Variants in HVCN1 observed in about 807,000 individuals in gnomAD.
HVCN1 encodes the protein voltage-gated hydrogen channel 1.
HVCN1 carries 14 observed loss-of-function variants against 29.2 expected under a neutral mutation model. The observed-to-expected ratio is 0.48, with a 90% CI of 0.32 to 0.75. The LOEUF (loss-of-function observed/expected upper bound fraction) is 0.75, where lower values mean the gene tolerates loss of function less well. Among genes scored for constraint, HVCN1 ranks in the 30% least tolerant of loss-of-function variants. The pLI is 0.04. For synonymous variants in HVCN1, 131 were observed against 133.2 expected (o/e 0.98, Z 0.11); for missense variants, 263 against 341.8 (o/e 0.77, Z 1.82).
intron 3 of HVCN1, among the ~76,000 whole-genome samples, chr12:110,663,017 C>T (rs766081465): frequency 2.8e-4 from 43 of 152,232 alleles, no homozygotes; most frequent in African/African-American, 3.9e-4. Context: ...CTCAGAAAAA[C>T]GCAGAGTGAA....
At chr12:110,691,295 C>A (rs888576077), upstream of HVCN1, among the ~76,000 whole-genome samples, 1 of 147,638 alleles carries the variant, frequency 6.8e-6, no homozygotes, top group Non-Finnish European at 1.5e-5. Flanking sequence ...GATCTCCTGA[C>A]CTCGTGCTCC....
At chr12:110,681,483 C>T (rs139665629) in intron 3 of HVCN1, among the ~76,000 whole-genome samples, 146 of 152,222 alleles carry the variant, frequency 9.6e-4, no homozygotes, top group Non-Finnish European at 1.8e-3. Context: ...TAAGCATTTC[C>T]GAATGTTCTT....
intron 2 of HVCN1, among the ~76,000 whole-genome samples, chr12:110,697,731 A>G (rs1447444036): frequency 6.6e-6 from 1 of 150,442 alleles, no homozygotes; most frequent in Non-Finnish European, 1.5e-5. Flanking sequence ...GCTCACTGCA[A>G]CCTCCGTCTC....
rs2068162724 is a variant in HVCN1, at chr12:110,661,330, T to C, written c.140A>G (p.Asn47Ser). 1.2e-6 allele frequency: 2 copies of C among 1,614,210 alleles called. No individual in the cohort carries two copies. The highest frequency in any genetic ancestry group is 1.7e-6 in the Non-Finnish European group (2 of 1,180,024). Residue 47 changes from asparagine (N) to serine (S), a missense_variant, in exon 4 of 8, where the codon AAT (asparagine) becomes AGT (serine). Physicochemically the swap from Asn to Ser is conservative, Grantham distance 46. This residue lies in a region of HVCN1 where 157 missense variants were observed against 181.3 expected (regional missense o/e 0.87). Coordinates refer to ENST00000242607, the MANE Select transcript of HVCN1 (RefSeq NM_032369.4). This position sits in a 1 kb window ranked among gnomAD's most constrained non-coding sequence, Gnocchi z 6.2. ...AWNINYKKWE[N>S]EEEEEEEEQP... ...CTCCTCCTCCTCCTCCTCCTCTTCA[T>C]TCTCCCATTTCTTGTAGTTGATGTT...
chr12:110,691,865 C>T (rs939585284), upstream of HVCN1, among the ~76,000 whole-genome samples: 2 of 151,150 alleles, frequency 1.3e-5, no homozygotes, highest in African/African-American at 4.9e-5. Flanking sequence ...AGTCTGCAGC[C>T]CCCAACCTTA....
At chr12:110,693,154 A>T (rs540960316), upstream of HVCN1, among the ~76,000 whole-genome samples, 83 of 151,436 alleles carry the variant, frequency 5.5e-4, no homozygotes, top group African/African-American at 1.7e-3. Context: ...TTTTTTTTTT[A>T]AATTGGGATA....
At chr12:110,677,112 G>A (rs2136396839) in intron 3 of HVCN1, among the ~76,000 whole-genome samples, 1 of 152,200 alleles carries the variant, frequency 6.6e-6, no homozygotes, top group South Asian at 2.1e-4. Context: ...GACTGAGAGA[G>A]GCGGATCGCT....
At chr12:110,662,802 C>T (rs992227781) in intron 3 of HVCN1, among the ~76,000 whole-genome samples, 5 of 152,202 alleles carry the variant, frequency 3.3e-5, no homozygotes, top group African/African-American at 9.7e-5. Context: ...CCCCCACACA[C>T]ACCCTACAAA....
At position 110,684,249 on chromosome 12, in the gene HVCN1, A is replaced by G. The variant is rs1028203530; in HGVS notation, c.-19-985T>C. ...TATATTATTAATTTTAATACAAAGA[A>G]AAACAGTGAAAATGTTCTGATAGAG... On this transcript the variant is annotated intron_variant, in intron 2 of 7. Coordinates refer to ENST00000242607, the MANE Select transcript of HVCN1 (RefSeq NM_032369.4). Among the ~76,000 whole-genome samples the G allele has an allele frequency of 2.6e-5, 4 of 152,190 alleles. 1 individual carries two copies. Among genetic ancestry groups the G allele is most frequent in the Non-Finnish European group, 5.9e-5 (4 of 68,040 alleles).
At chr12:110,685,410 T>C (rs918977081) in intron 2 of HVCN1, among the ~76,000 whole-genome samples, 1 of 152,192 alleles carries the variant, frequency 6.6e-6, no homozygotes, top group South Asian at 2.1e-4. Context: ...TTGTGGACTT[T>C]TGACTTCCAG....
upstream of HVCN1, chr12:110,689,144 C>T (rs1231981835): frequency 2.0e-5 from 3 of 151,210 alleles, no homozygotes; most frequent in Non-Finnish European, 4.4e-5. The surrounding 1 kb of genome is among the most constrained non-coding windows in gnomAD (Gnocchi z 5.7). Flanking sequence ...CCGGCCCAGC[C>T]CGTCCCGCCC....
In HVCN1 at chr12:110,651,400, T is replaced by C. The variant is rs2067809977; in HGVS notation, c.460A>G (p.Ile154Val). 2 of 1,613,660 alleles carry C rather than the reference T, an allele frequency of 1.2e-6. No individual in the cohort carries two copies. Among genetic ancestry groups the C allele is most frequent in the Non-Finnish European group, 1.7e-6 (2 of 1,179,834 alleles). ...CGGAAGACAAATAATTTAAAGATGA[T>C]CTCCATCATAAAAAAGACCAAGATG... ...ITILVFFMME[I>V]IFKLFVFRLE... is the part of the protein sequence containing the mutation. Residue 154 changes from isoleucine to valine, a missense_variant, in exon 6 of 8, where the codon ATC becomes GTC. Physicochemically the swap from Ile to Val is conservative, Grantham distance 29. Coordinates refer to ENST00000242607, the MANE Select transcript of HVCN1 (RefSeq NM_032369.4).
At position 110,649,342 on chromosome 12, in the gene HVCN1, G is replaced by T; in HGVS notation, c.*68C>A. Reference sequence around the variant, plus strand: ...CTCACCAAGCGGCCCAGGAGGGGCAGCTGTTCCTCTCGTGACAGCACAGGC... The same window carrying T: ...CTCACCAAGCGGCCCAGGAGGGGCATCTGTTCCTCTCGTGACAGCACAGGC... On this transcript the variant is annotated 3_prime_UTR_variant, in exon 8 of 8. Coordinates refer to ENST00000242607, the MANE Select transcript of HVCN1 (RefSeq NM_032369.4). 7.6e-7 allele frequency: 1 copy of T among 1,313,786 alleles called. No individual in the cohort carries two copies. Among genetic ancestry groups the T allele is most frequent in the Non-Finnish European group, 1.1e-6 (1 of 918,272 alleles). 81.4% of individuals were successfully genotyped at this position (1,313,786 alleles called of 1,614,324 possible). A position where few individuals can be genotyped will look rare whatever the true frequency, so the allele number is the denominator to read the frequency against.
In HVCN1 at chr12:110,651,465, A is replaced by C; in HGVS notation, c.412-17T>G. On this transcript the variant is annotated splice_polypyrimidine_tract_variant and intron_variant, in intron 5 of 7. Coordinates refer to ENST00000242607, the MANE Select transcript of HVCN1 (RefSeq NM_032369.4). The stretch of plus-strand genomic sequence containing the variant: ...GTGGAATACCTGAAGGGGACAAGGA[A>C]CCACAGTCAGGGGAGATTGGGCCTC... The C allele has an allele frequency of 6.4e-7, 1 of 1,564,880 alleles. No individual in the cohort carries two copies. The highest frequency in any genetic ancestry group is 8.8e-7 in the Non-Finnish European group (1 of 1,135,346).
At chr12:110,650,341 A>AG in intron 6 of HVCN1, 61 bp from the exon 7 acceptor site, 1 of 1,028,840 alleles carries the variant, frequency 9.7e-7, no homozygotes, top group Non-Finnish European at 1.5e-6. Flanking sequence ...CAGGAAAAAA[A>AG]TCTGTATTCT....
chr12:110,653,757 G>T (rs954880450), intron 5 of HVCN1, among the ~76,000 whole-genome samples: 1 of 152,034 alleles, frequency 6.6e-6, no homozygotes, highest in African/African-American at 2.4e-5. Flanking sequence ...CAGGAGAATC[G>T]CTTGAACTCA....
At chr12:110,681,178 TACTTTTTATC>T (rs746915403) in intron 3 of HVCN1, among the ~76,000 whole-genome samples, 25 of 152,360 alleles carry the variant, frequency 1.6e-4, no homozygotes, top group Middle Eastern at 3.4e-3. Context: ...CAGCCTGTGT[TACTTTTTATC>T]ACAGTAAATG....
chr12:110,701,667 G>T (rs1332607769), intron 2 of HVCN1, among the ~76,000 whole-genome samples: 1 of 152,002 alleles, frequency 6.6e-6, no homozygotes, highest in African/African-American at 2.4e-5. Context: ...GACCAGCCTG[G>T]TCAACATGGT....
chr12:110,668,693 C>T (rs2068456466), intron 3 of HVCN1, among the ~76,000 whole-genome samples: 1 of 152,158 alleles, frequency 6.6e-6, no homozygotes, highest in South Asian at 2.1e-4. Context: ...CAAAAGTCTA[C>T]AGGTGGAGTT....
Sources: allele counts gnomAD v4.1 joint callset (sites outside exome capture counted in the v4.1 genomes callset), GRCh38; gene constraint gnomAD v4.1.1; regional missense constraint gnomAD v4.1.1; non-coding constraint Gnocchi (gnomAD v3.1); transcripts MANE v1.5; gene names NCBI Gene and HGNC (gene_info 2026-07-23, HGNC 2026-07-21).